SLC29A3: variants seen among roughly 807,000 people sequenced by gnomAD.
SLC29A3 encodes solute carrier family 29 member 3, also known as equilibrative nucleoside transporter 3.
A neutral mutation model predicts 25.4 loss-of-function variants in SLC29A3; 18 were observed. The observed-to-expected ratio is 0.71, with a 90% CI of 0.49 to 1.05. The LOEUF (loss-of-function observed/expected upper bound fraction) is 1.05. SLC29A3 is among the 50% of genes least tolerant of loss of function. The pLI, the probability that SLC29A3 is intolerant of heterozygous loss-of-function variation, is 0.00. For missense variants in SLC29A3, 586 were observed against 609.0 expected (o/e 0.96, Z 0.40); for synonymous variants, 258 against 267.1 (o/e 0.97, Z 0.33).
intron 3 of SLC29A3, among the ~76,000 whole-genome samples, chr10:71,369,751 A>G (rs57766566): frequency 0.1 from 15,685 of 152,266 alleles, 1,320 homozygotes; most frequent in African/African-American, 0.23. Context: ...GCCTATGTAC[A>G]GTATCCCTGC....
downstream of SLC29A3, among the ~76,000 whole-genome samples, chr10:71,367,994 G>T (rs1037014439): frequency 2.6e-5 from 4 of 152,148 alleles, no homozygotes; most frequent in East Asian, 7.7e-4. Context: ...AGGCTAAGGC[G>T]GGAGAATCAC....
chr10:71,332,152 C>T (rs867397250), intron 2 of SLC29A3, among the ~76,000 whole-genome samples: 9,538 of 135,148 alleles, frequency 0.071, 945 homozygotes, highest in African/African-American at 0.23. Context: ...TCTTTTTTTT[C>T]TTTTTTTTTT....
chr10:71,327,771 C>A (rs994419257), intron 2 of SLC29A3, among the ~76,000 whole-genome samples: 2 of 142,336 alleles, frequency 1.4e-5, no homozygotes, highest in South Asian at 4.5e-4. Context: ...GAGCCTGCCC[C>A]TGGTCTGGCC....
downstream of SLC29A3, among the ~76,000 whole-genome samples, chr10:71,367,970 C>G (rs1847183055): frequency 6.6e-6 from 1 of 152,180 alleles, no homozygotes. Flanking sequence ...CACCTATAAT[C>G]CCAGCACTTT....
At chr10:71,328,946 G>T (rs921023287) in intron 2 of SLC29A3, among the ~76,000 whole-genome samples, 1 of 152,202 alleles carries the variant, frequency 6.6e-6, no homozygotes, top group Non-Finnish European at 1.5e-5. Flanking sequence ...TGCCCTTGAA[G>T]GGCTGACCTC....
In SLC29A3 at chr10:71,349,535, C is replaced by T. The variant is rs577310998; in HGVS notation, c.384-2027C>T. Among the ~76,000 whole-genome samples, 443 of 152,212 alleles carry T rather than the reference C, an allele frequency of 2.9e-3. 1 individual carries two copies. The highest frequency in any genetic ancestry group is 9.3e-3 in the African/African-American group (385 of 41,526). On this transcript the variant is annotated intron_variant, in intron 3 of 5. Coordinates refer to ENST00000373189, the MANE Select transcript of SLC29A3 (RefSeq NM_018344.6). ...CTAGGAGCAGGCAACACTGACTGCCCCAGGCTGCGTCACATGCCTGTTGTT... is the reference window on the plus strand; with the variant it reads ...CTAGGAGCAGGCAACACTGACTGCCTCAGGCTGCGTCACATGCCTGTTGTT...
At chr10:71,330,446 G>A (rs1332924000) in intron 2 of SLC29A3, among the ~76,000 whole-genome samples, 2 of 152,218 alleles carry the variant, frequency 1.3e-5, no homozygotes, top group African/African-American at 4.8e-5. Flanking sequence ...TATCTATTTG[G>A]TAAAGGCTCC....
At chr10:71,353,596 T>C (rs1410752630) in intron 4 of SLC29A3, among the ~76,000 whole-genome samples, 2 of 152,168 alleles carry the variant, frequency 1.3e-5, no homozygotes, top group African/African-American at 4.8e-5. Flanking sequence ...TACGCCAGTA[T>C]TAATGACCCT....
chr10:71,332,202 G>A (rs1159934271), intron 2 of SLC29A3, among the ~76,000 whole-genome samples: 2 of 141,780 alleles, frequency 1.4e-5, no homozygotes, highest in African/African-American at 5.3e-5. Context: ...AGGTTGGAGT[G>A]CAGTAGTGCG....
chr10:71,366,796 C>T (rs898053124), downstream of SLC29A3, among the ~76,000 whole-genome samples: 2 of 152,158 alleles, frequency 1.3e-5, no homozygotes, highest in African/African-American at 4.8e-5. Context: ...ACATTCCAGT[C>T]GAATGTGAAC....
chr10:71,348,911 C>G (rs1288838061), intron 3 of SLC29A3, among the ~76,000 whole-genome samples: 2 of 152,180 alleles, frequency 1.3e-5, no homozygotes, highest in East Asian at 3.9e-4. Context: ...GCAGAGGATG[C>G]CTTATCAAGT....
At chr10:71,343,765 T>C (rs899966856) in intron 2 of SLC29A3, among the ~76,000 whole-genome samples, 6 of 152,170 alleles carry the variant, frequency 3.9e-5, no homozygotes, top group African/African-American at 1.4e-4. Flanking sequence ...CTGGGCAACA[T>C]AGCAAGACCT....
At chr10:71,328,393 C>A (rs1164523299) in intron 2 of SLC29A3, among the ~76,000 whole-genome samples, 1 of 152,208 alleles carries the variant, frequency 6.6e-6, no homozygotes, top group South Asian at 2.1e-4. Flanking sequence ...TTCCCCATCA[C>A]GTTCCTGCCC....
rs192158021 is a variant in SLC29A3 at position 71,347,389 on chromosome 10, G to T, written c.383+3098G>T. ...AAGAGTCTTCACAGGACTGAGACCT[G>T]CCCCAGGGTCTTGGTCTTGAAGCTG... On this transcript the variant is annotated intron_variant, in intron 3 of 5. Coordinates refer to ENST00000373189, the MANE Select transcript of SLC29A3 (RefSeq NM_018344.6). 9.2e-5 allele frequency among the ~76,000 whole-genome samples: 14 copies of T among 152,258 alleles called. No individual in the cohort carries two copies. In the East Asian group the frequency reaches 1.9e-3, roughly 21 times the overall value.
intron 3 of SLC29A3, among the ~76,000 whole-genome samples, chr10:71,347,946 A>G (rs1318935455): frequency 1.3e-5 from 2 of 152,154 alleles, no homozygotes; most frequent in Non-Finnish European, 1.5e-5. Context: ...ATGCTGCACC[A>G]TTCCTGCTGG....
At chr10:71,356,280 T>C in intron 5 of SLC29A3, 37 bp downstream of exon 5, 1 of 1,608,190 alleles carries the variant, frequency 6.2e-7, no homozygotes, top group Non-Finnish European at 8.5e-7. Context: ...CTCCTTCCTG[T>C]GTATCCAGTT....
At chr10:71,344,161 C>T in intron 2 of SLC29A3, 48 bp from the exon 3 acceptor site, 1 of 1,459,118 alleles carries the variant, frequency 6.9e-7, no homozygotes, top group Middle Eastern at 1.7e-4. Flanking sequence ...GAACTGCTCA[C>T]CTCCATCCCT....
chr10:71,356,022 C>G, intron 4 of SLC29A3, 59 bp from the exon 5 acceptor site: 1 of 1,588,638 alleles, frequency 6.3e-7, no homozygotes, highest in African/African-American at 1.3e-5. Context: ...GGGAGGGGCC[C>G]GCAGCCACTC....
chr10:71,366,558 C>A (rs538558820), downstream of SLC29A3, among the ~76,000 whole-genome samples: 1 of 152,276 alleles, frequency 6.6e-6, no homozygotes, highest in East Asian at 1.9e-4. Flanking sequence ...TTTCTGAGAA[C>A]ATGCTTATTC....
Sources: gnomAD v4.1 joint callset for allele counts (sites outside exome capture counted in the v4.1 genomes callset) on GRCh38, gnomAD v4.1.1 for gene constraint, MANE v1.5 for transcripts, NCBI Gene and HGNC (gene_info 2026-07-23, HGNC 2026-07-21) for gene names.